SBK2: variants seen among roughly 807,000 people sequenced by gnomAD.
The protein encoded by SBK2 is SH3 domain binding kinase family member 2.
Under a neutral mutation model 15.9 loss-of-function variants are expected in SBK2, and 18 were observed. The observed-to-expected ratio is 1.13, with a 90% confidence interval of 0.78 to 1.68. The LOEUF (loss-of-function observed/expected upper bound fraction) is 1.68. Among genes scored for constraint, SBK2 ranks in the 40% most tolerant of loss-of-function variants. SBK2 has a pLI of 0.00. For synonymous variants in SBK2, 284 were observed against 246.8 expected, an observed-to-expected ratio of 1.15 and a Z score of -1.41; for missense variants, 581 against 510.9, an observed-to-expected ratio of 1.14 and a Z score of -1.32.
chr19:55,529,686 G>A lies in SBK2; in HGVS notation c.*47C>T, dbSNP rs1599940186. The stretch of plus-strand genomic sequence containing the variant: ...AGACACCAAAAGCCGTTGGCCTTGG[G>A]GGCCTCGGGTGGGGCGGCTTCCCTT... On this transcript the variant is annotated 3_prime_UTR_variant, in exon 4 of 4. Coordinates refer to ENST00000413299, the MANE Select transcript of SBK2 (RefSeq NM_001370096.2). The A allele has an allele frequency of 1.3e-6, 2 of 1,578,588 alleles. No homozygotes were observed. Among genetic ancestry groups the A allele is most frequent in the Non-Finnish European group, 1.7e-6 (2 of 1,170,060 alleles).
At chr19:55,535,380 T>C (rs908458515) in intron 2 of SBK2, among the ~76,000 whole-genome samples, 3 of 152,156 alleles carry the variant, frequency 2.0e-5, no homozygotes, top group Admixed American at 6.5e-5. Flanking sequence ...CTCTGCATCA[T>C]CCCACGGTGA....
chr19:55,529,904 G>A lies in SBK2; in HGVS notation c.876C>T (p.Pro292=), dbSNP rs1303454378. 1 of 1,557,116 alleles carries A rather than the reference G, an allele frequency of 6.4e-7. No individual in the cohort carries two copies. Among genetic ancestry groups the A allele is most frequent in the Admixed American group, 1.9e-5 (1 of 51,840 alleles). Residue 292 remains proline, a synonymous_variant, in exon 4 of 4, where the codon CCC becomes CCT. Transcript: ENST00000413299. ...ASGQPRDRPQ[P]WFGLAAAADA... is the part of the protein sequence containing the mutation. ...CGGCCGCGGCGGCCAGGCCGAACCA[G>A]GGCTGAGGGCGGTCCCGGGGCTGGC...
In SBK2 at chr19:55,528,847, C is replaced by T. The variant is rs1988173252; in HGVS notation, c.*886G>A. Among the ~76,000 whole-genome samples the T allele has an allele frequency of 6.6e-6, 1 of 152,138 alleles. No individual in the cohort carries two copies. The highest frequency in any genetic ancestry group is 2.4e-5 in the African/African-American group (1 of 41,418). On this transcript the variant is annotated 3_prime_UTR_variant, in exon 4 of 4. Coordinates refer to ENST00000413299, the MANE Select transcript of SBK2 (RefSeq NM_001370096.2). ...TGAGTACATGGGGTCTGTCAGCAGACGGAAGGCGGCAAAGACCCCCGACTC... is the reference window on the plus strand; with the variant it reads ...TGAGTACATGGGGTCTGTCAGCAGATGGAAGGCGGCAAAGACCCCCGACTC...
At chr19:55,531,029 G>A in intron 3 of SBK2, 114 bp downstream of exon 3, 1 of 930,842 alleles carries the variant, frequency 1.1e-6, no homozygotes, top group South Asian at 1.5e-5. Flanking sequence ...GGGGGGTAGG[G>A]GAGGCCCAGG....
chr19:55,537,015 G>A, intron 1 of SBK2, 39 bp downstream of exon 1: 1 of 153,094 alleles, frequency 6.5e-6, no homozygotes. Flanking sequence ...AGGGCACCTT[G>A]CCCACCTCCC....
intron 2 of SBK2, among the ~76,000 whole-genome samples, chr19:55,535,514 C>G (rs971372630): frequency 6.6e-6 from 1 of 152,198 alleles, no homozygotes; most frequent in Admixed American, 6.5e-5. Flanking sequence ...AAGTAGAAAT[C>G]ATCACCCACA....
At position 55,530,710 on chromosome 19, in the gene SBK2, C is replaced by T. The variant is rs147127396; in HGVS notation, c.457-387G>A. Among the ~76,000 whole-genome samples the T allele has an allele frequency of 2.1e-3, 29 of 13,976 alleles. 4 individuals carry two copies. The highest frequency in any genetic ancestry group is 3.7e-3 in the African/African-American group (25 of 6,688). 9.2% of individuals were successfully genotyped at this position (13,976 alleles called of 152,430 possible). On this transcript the variant is annotated intron_variant, in intron 3 of 3. Coordinates refer to ENST00000413299, the MANE Select transcript of SBK2 (RefSeq NM_001370096.2). ...GTGAGGCCTGTGGGTTTAGTGGGGCCTAGTGTGACCTGTGAGGCCTGTGGG... is the reference window on the plus strand; with the variant it reads ...GTGAGGCCTGTGGGTTTAGTGGGGCTTAGTGTGACCTGTGAGGCCTGTGGG...
chr19:55,529,883 C>G lies in SBK2; in HGVS notation c.897G>C (p.Ala299=). Residue 299 remains alanine, a synonymous_variant, in exon 4 of 4, where the codon GCG becomes GCC. Coordinates refer to ENST00000413299, the MANE Select transcript of SBK2 (RefSeq NM_001370096.2). The part of the protein sequence containing the change: ...RPQPWFGLAA[A]ADALLRGLLD... Reference sequence around the variant, plus strand: ...GCAGCCCCCGCAGAAGCGCGTCGGCCGCGGCGGCCAGGCCGAACCAGGGCT... The same window carrying G: ...GCAGCCCCCGCAGAAGCGCGTCGGCGGCGGCGGCCAGGCCGAACCAGGGCT... The G allele has an allele frequency of 6.3e-7, 1 of 1,587,174 alleles. No individual in the cohort carries two copies. Among genetic ancestry groups the G allele is most frequent in the Non-Finnish European group, 8.5e-7 (1 of 1,169,822 alleles).
chr19:55,535,278 A>G (rs554686708), intron 2 of SBK2, among the ~76,000 whole-genome samples: 2 of 151,714 alleles, frequency 1.3e-5, no homozygotes, highest in East Asian at 2.0e-4. Context: ...ATGGAAGGAC[A>G]CGGTGCTTGG....
At position 55,530,255 on chromosome 19, in the gene SBK2, G is replaced by C. The variant is rs1376397729; in HGVS notation, c.525C>G (p.His175Gln). The change falls in exon 4 of 4, where the codon CAC becomes CAG. Residue 175 changes from histidine to glutamine, a missense_variant. Coordinates refer to ENST00000413299, the MANE Select transcript of SBK2 (RefSeq NM_001370096.2). Reference protein sequence around the residue: ...AQLASALEYIHARGLVYRDLK... With the variant: ...AQLASALEYIQARGLVYRDLK... ...GGTCCCGGTACACCAGGCCGCGGGC[G>C]TGGATGTACTCCAGGGCGGAGGCCA... 6.6e-7 allele frequency: 1 copy of C among 1,509,700 alleles called. No individual in the cohort carries two copies. The highest frequency in any genetic ancestry group is 2.3e-5 in the Admixed American group (1 of 43,878). The allele number at this position is 1,509,700 out of a possible 1,614,324, so 93.5% of individuals were successfully genotyped here.
At position 55,529,454 on chromosome 19, in the gene SBK2, C is replaced by G. The variant is rs1481729570; in HGVS notation, c.*279G>C. ...AGCCTAAAGTGCCCTGAGCAAACAG[C>G]AAGTGCAGAGGCCCTGGGGAAGGTG... On this transcript the variant is annotated 3_prime_UTR_variant, in exon 4 of 4. Transcript: ENST00000413299. Among the ~76,000 whole-genome samples the G allele has an allele frequency of 6.6e-6, 1 of 152,100 alleles. No homozygotes were observed. Among genetic ancestry groups the G allele is most frequent in the Non-Finnish European group, 1.5e-5 (1 of 68,010 alleles).
chr19:55,535,356 A>G (rs1402668104), intron 2 of SBK2, among the ~76,000 whole-genome samples: 1 of 152,192 alleles, frequency 6.6e-6, no homozygotes, highest in African/African-American at 2.4e-5. Context: ...CTAAGTGCTT[A>G]GCAGACAGCA....
chr19:55,531,022 G>T, intron 3 of SBK2, 121 bp downstream of exon 3: 1 of 867,960 alleles, frequency 1.2e-6, no homozygotes, highest in Non-Finnish European at 1.8e-6. Flanking sequence ...GGCCTCCGGG[G>T]GGTAGGGGAG....
At chr19:55,533,878 C>T (rs897673014) in intron 2 of SBK2, among the ~76,000 whole-genome samples, 2 of 151,894 alleles carry the variant, frequency 1.3e-5, no homozygotes, top group Admixed American at 1.3e-4. Context: ...TTCTTAACGA[C>T]AGTGACATGT....
In SBK2 at chr19:55,530,050, G is replaced by A; in HGVS notation, c.730C>T (p.Leu244=). ...LPEGLPIQPA[L]DAWALGVLLF... is the part of the protein sequence containing the mutation. ...AGGACGCCCAGCGCCCAGGCGTCCA[G>A]GGCGGGCTGAATGGGCAGGCCCTCG... Residue 244 remains leucine, a synonymous_variant, in exon 4 of 4, where the codon CTG becomes TTG. Coordinates refer to ENST00000413299, the MANE Select transcript of SBK2 (RefSeq NM_001370096.2). 1 of 1,470,206 alleles carries A rather than the reference G, an allele frequency of 6.8e-7. No homozygotes were observed. The highest frequency in any genetic ancestry group is 9.0e-7 in the Non-Finnish European group (1 of 1,115,970). The allele number at this position is 1,470,206 out of a possible 1,614,324, so 91.1% of individuals were successfully genotyped here.
intron 2 of SBK2, among the ~76,000 whole-genome samples, chr19:55,534,817 G>A: frequency 6.6e-6 from 1 of 151,572 alleles, no homozygotes; most frequent in Non-Finnish European, 1.5e-5. Flanking sequence ...TTGAAATAAG[G>A]AGTTCAAGAC....
chr19:55,536,108 C>G lies in SBK2; in HGVS notation c.187G>C (p.Glu63Gln). ...CCCTGGCCCAGGGGACGCACTTCCT[C>G]GTAGAGCTCGTCCACCTCGGCTCGG... is the stretch of plus-strand genomic sequence containing the variant. ...LVRAEVDELY[E>Q]EVRPLGQGCY... The change falls in exon 2 of 4, where the codon GAG (glutamate) becomes CAG (glutamine). Residue 63 changes from glutamate (E) to glutamine (Q), a missense_variant. Coordinates refer to ENST00000413299, the MANE Select transcript of SBK2 (RefSeq NM_001370096.2). 6.5e-7 allele frequency: 1 copy of G among 1,545,168 alleles called. No individual in the cohort carries two copies. Among genetic ancestry groups the G allele is most frequent in the African/African-American group, 1.4e-5 (1 of 72,660 alleles).
chr19:55,528,968 A>G lies in SBK2; in HGVS notation c.*765T>C, dbSNP rs1013573723. On this transcript the variant is annotated 3_prime_UTR_variant, in exon 4 of 4. Transcript: ENST00000413299. The stretch of plus-strand genomic sequence containing the variant: ...GCAGAGTGGGGGGATGAGGAGGCAG[A>G]CAGTAAGCATTTACAACGCGCAGCT... Among the ~76,000 whole-genome samples, 17 of 152,190 alleles carry G rather than the reference A, an allele frequency of 1.1e-4. 1 individual carries two copies. The highest frequency in any genetic ancestry group is 1.5e-5 in the Non-Finnish European group (1 of 68,044).
At chr19:55,533,357 G>T (rs985578723) in intron 2 of SBK2, among the ~76,000 whole-genome samples, 1 of 148,290 alleles carries the variant, frequency 6.7e-6, no homozygotes, top group Non-Finnish European at 1.5e-5. Context: ...AAAAGGAAAA[G>T]AAAAGAAAGG....
Sources: gnomAD v4.1 joint callset for allele counts (sites outside exome capture counted in the v4.1 genomes callset) on GRCh38, gnomAD v4.1.1 for gene constraint, MANE v1.5 for transcripts, NCBI Gene and HGNC (gene_info 2026-07-23, HGNC 2026-07-21) for gene names.